ZNF407: variants seen among roughly 807,000 people sequenced by gnomAD.
ZNF407 encodes the protein zinc finger protein 407.
Under a neutral mutation model 131.2 loss-of-function variants are expected in ZNF407, and 17 were observed. The observed-to-expected ratio is 0.13, with a 90% CI of 0.09 to 0.19. ZNF407 has a LOEUF of 0.19. Ranked by LOEUF, ZNF407 falls within the 10% of genes least tolerant of loss-of-function variation. ZNF407 has a pLI of 1.00. For synonymous variants in ZNF407, 1,156 were observed against 1,062.0 expected (o/e 1.09, Z -1.72); for missense variants, 2,681 against 2,830.6 (o/e 0.95, Z 1.20).
intron 3 of ZNF407, among the ~76,000 whole-genome samples, chr18:74,706,254 A>G (rs1395442046): frequency 6.6e-6 from 1 of 152,168 alleles, no homozygotes; most frequent in Non-Finnish European, 1.5e-5. Flanking sequence ...CTTTTCTGCT[A>G]TTTACTAGAC....
At chr18:75,060,057 A>C (rs1973607211) in intron 8 of ZNF407, 1 of 152,170 alleles carries the variant, frequency 6.6e-6, no homozygotes, top group South Asian at 2.1e-4. Context: ...AGGCATTCAC[A>C]CGGCATGAGT....
intron 7 of ZNF407, among the ~76,000 whole-genome samples, chr18:74,912,210 C>T (rs1428803302): frequency 2.0e-5 from 3 of 152,114 alleles, no homozygotes; most frequent in African/African-American, 7.2e-5. Context: ...TTAATAAATA[C>T]ATAGAAATTA....
At chr18:74,652,269 A>G (rs1985262161) in intron 3 of ZNF407, among the ~76,000 whole-genome samples, 5 of 152,086 alleles carry the variant, frequency 3.3e-5, no homozygotes, top group South Asian at 4.1e-4. Flanking sequence ...TCTGTTTCCT[A>G]TCATTATCTA....
intron 3 of ZNF407, among the ~76,000 whole-genome samples, chr18:74,701,453 G>T (rs1967492414): frequency 6.6e-6 from 1 of 152,170 alleles, no homozygotes; most frequent in Non-Finnish European, 1.5e-5. Context: ...TAGCTCTGGA[G>T]TTGAATTCTG....
At chr18:74,947,581 G>A (rs1599258557) in intron 8 of ZNF407, among the ~76,000 whole-genome samples, 1 of 152,170 alleles carries the variant, frequency 6.6e-6, no homozygotes, top group South Asian at 2.1e-4. Context: ...CACACTGAGC[G>A]CCTGCCAGAG....
intron 8 of ZNF407, among the ~76,000 whole-genome samples, chr18:74,956,625 G>A (rs1043195728): frequency 1.1e-4 from 16 of 152,092 alleles, no homozygotes; most frequent in African/African-American, 3.4e-4. Context: ...AGTGGGTGTC[G>A]TGATGTGATG....
At chr18:74,736,143 G>T (rs1029527485) in intron 3 of ZNF407, among the ~76,000 whole-genome samples, 3 of 152,066 alleles carry the variant, frequency 2.0e-5, no homozygotes, top group African/African-American at 7.2e-5. Context: ...ATGAAAGTGT[G>T]TTTCACTCAC....
chr18:74,653,141 A>C (rs1385292273), intron 3 of ZNF407, among the ~76,000 whole-genome samples: 2 of 151,978 alleles, frequency 1.3e-5, no homozygotes, highest in African/African-American at 4.8e-5. Flanking sequence ...CAAGATAGCC[A>C]TAGATGTCTG....
chr18:74,700,431 G>GT (rs1481134838), intron 3 of ZNF407, among the ~76,000 whole-genome samples: 1 of 152,184 alleles, frequency 6.6e-6, no homozygotes, highest in Non-Finnish European at 1.5e-5. Context: ...TTCGCAAAGA[G>GT]TATCAGAGGT....
chr18:74,946,023 A>G (rs963933005), intron 8 of ZNF407, among the ~76,000 whole-genome samples: 2 of 152,132 alleles, frequency 1.3e-5, no homozygotes, highest in African/African-American at 4.8e-5. Flanking sequence ...TAGCACCGTC[A>G]CCCCCAAAGT....
intron 6 of ZNF407, among the ~76,000 whole-genome samples, chr18:74,887,283 T>C (rs2145192810): frequency 6.6e-6 from 1 of 152,232 alleles, no homozygotes; most frequent in South Asian, 2.1e-4. Flanking sequence ...CTATAGCAAT[T>C]TAAGTCATTT....
At chr18:74,792,950 T>C (rs1287433830) in intron 4 of ZNF407, among the ~76,000 whole-genome samples, 2 of 152,222 alleles carry the variant, frequency 1.3e-5, no homozygotes, top group African/African-American at 4.8e-5. Context: ...ATCTTTTATA[T>C]ATGCAGCTCT....
intron 8 of ZNF407, among the ~76,000 whole-genome samples, chr18:75,050,336 GA>G (rs958814913): frequency 1.1e-4 from 16 of 152,238 alleles, no homozygotes; most frequent in African/African-American, 3.4e-4. Context: ...AAGAAAACAA[GA>G]TTTAATAAAT....
At chr18:74,756,094 A>G (rs1199524513) in intron 3 of ZNF407, among the ~76,000 whole-genome samples, 1 of 151,312 alleles carries the variant, frequency 6.6e-6, no homozygotes, top group Non-Finnish European at 1.5e-5. Flanking sequence ...GGGTTTCACC[A>G]TGTTGGCCAG....
At position 74,739,039 on chromosome 18, in the gene ZNF407, CT is replaced by C. The variant is rs1283480457; in HGVS notation, c.4803-42381del. On this transcript the variant is annotated intron_variant, in intron 3 of 8. Coordinates refer to ENST00000299687, the MANE Select transcript of ZNF407 (RefSeq NM_017757.3). Reference sequence around the variant, plus strand: ...TCAGTGTTAGGAGCTGCTTGATTAGCTTTTTTTTAGTGCCAGTAAATTTTTT... The same window carrying C: ...TCAGTGTTAGGAGCTGCTTGATTAGCTTTTTTTAGTGCCAGTAAATTTTTT... 1.1e-4 allele frequency among the ~76,000 whole-genome samples: 16 copies of C among 151,276 alleles called. No individual in the cohort carries two copies. In the East Asian group the frequency reaches 2.7e-3, roughly 26 times the overall value.
intron 3 of ZNF407, among the ~76,000 whole-genome samples, chr18:74,682,392 G>A (rs1967005320): frequency 6.6e-6 from 1 of 152,184 alleles, no homozygotes; most frequent in African/African-American, 2.4e-5. Flanking sequence ...TTTTTTCTAC[G>A]GCATTCTTGT....
At chr18:74,751,078 T>C (rs540441603) in intron 3 of ZNF407, among the ~76,000 whole-genome samples, 1 of 152,286 alleles carries the variant, frequency 6.6e-6, no homozygotes, top group South Asian at 2.1e-4. Context: ...ATATTGTCTT[T>C]TTAATTTATT....
chr18:74,828,436 A>G (rs1467510042), intron 4 of ZNF407, among the ~76,000 whole-genome samples: 1 of 152,184 alleles, frequency 6.6e-6, no homozygotes, highest in African/African-American at 2.4e-5. Context: ...CTGGGAGGCA[A>G]GGGTCTTACT....
chr18:74,911,113 G>C (rs1971664709), intron 7 of ZNF407, among the ~76,000 whole-genome samples: 1 of 152,108 alleles, frequency 6.6e-6, no homozygotes, highest in Non-Finnish European at 1.5e-5. Flanking sequence ...ATTGTTTTTA[G>C]TACATACTGT....
Sources: allele counts gnomAD v4.1 joint callset (sites outside exome capture counted in the v4.1 genomes callset), GRCh38; gene constraint gnomAD v4.1.1; transcripts MANE v1.5; gene names NCBI Gene and HGNC (gene_info 2026-07-23, HGNC 2026-07-21).